BMPR2: variants seen among roughly 807,000 people sequenced by gnomAD.
BMPR2 encodes the protein bone morphogenetic protein receptor type-2.
Under a neutral mutation model 100.8 loss-of-function variants are expected in BMPR2, and 29 were observed. The observed-to-expected ratio is 0.29, with a 90% CI of 0.21 to 0.39. The LOEUF is 0.39. BMPR2 is among the 10% of genes least tolerant of loss of function. BMPR2 has a pLI of 1.00. For synonymous variants in BMPR2, 382 were observed against 442.3 expected (o/e 0.86, Z 1.71); for missense variants, 1,011 against 1,274.5 (o/e 0.79, Z 3.15).
intron 1 of BMPR2, among the ~76,000 whole-genome samples, chr2:202,392,656 G>A (rs1690572949): frequency 6.6e-6 from 1 of 152,112 alleles, no homozygotes; most frequent in Non-Finnish European, 1.5e-5. Flanking sequence ...ATTTAAAAAT[G>A]TCTAAGAGCT....
chr2:202,424,070 CA>C lies in BMPR2; in HGVS notation c.77-40718del, dbSNP rs773518674. ...CCTGGGTGACAGAGCAAGACTGTCT[CA>C]AAAAAAAAAAAAAAAAAAAAGGCCA... On this transcript the variant is annotated intron_variant, in intron 1 of 12. Transcript: ENST00000374580. Among the ~76,000 whole-genome samples, 388 of 58,756 alleles carry C rather than the reference CA, an allele frequency of 6.6e-3. 2 individuals are homozygous for C. The highest frequency in any genetic ancestry group is 0.023 in the African/African-American group (293 of 12,738). The allele number at this position is 58,756 out of a possible 152,430, so 38.5% of individuals were successfully genotyped here.
At chr2:202,491,622 T>C (rs1692904637) in intron 3 of BMPR2, among the ~76,000 whole-genome samples, 1 of 151,916 alleles carries the variant, frequency 6.6e-6, no homozygotes, top group Non-Finnish European at 1.5e-5. Context: ...CCAGGTTTCA[T>C]GATATTGGTC....
At chr2:202,445,797 G>A (rs1209332857) in intron 1 of BMPR2, among the ~76,000 whole-genome samples, 6 of 126,246 alleles carry the variant, frequency 4.8e-5, no homozygotes, top group African/African-American at 9.4e-5. Flanking sequence ...TTTTTGAGAC[G>A]GGAGTCTTGC....
chr2:202,542,090 A>T (rs915615708), intron 9 of BMPR2, among the ~76,000 whole-genome samples: 24 of 151,810 alleles, frequency 1.6e-4, no homozygotes, highest in Non-Finnish European at 2.8e-4. Flanking sequence ...CAGCCTGGGC[A>T]ACAGAGTAAG....
chr2:202,384,122 A>G (rs1018234598), intron 1 of BMPR2, among the ~76,000 whole-genome samples: 10 of 152,208 alleles, frequency 6.6e-5, no homozygotes, highest in Non-Finnish European at 1.0e-4. Flanking sequence ...CAGTGAGCCA[A>G]GATTGTGCCA....
chr2:202,492,725 C>G (rs140629835), intron 3 of BMPR2, among the ~76,000 whole-genome samples: 1 of 111,690 alleles, frequency 9.0e-6, no homozygotes. Flanking sequence ...AAAAAAAAAC[C>G]AAAAAAAAAA....
At chr2:202,447,863 A>G (rs1192685776) in intron 1 of BMPR2, among the ~76,000 whole-genome samples, 2 of 150,526 alleles carry the variant, frequency 1.3e-5, no homozygotes, top group Non-Finnish European at 2.9e-5. Context: ...GGTTATAGAA[A>G]ATTATGTAGG....
intron 3 of BMPR2, among the ~76,000 whole-genome samples, chr2:202,470,788 A>AG (rs1195044550): frequency 6.6e-6 from 1 of 150,978 alleles, no homozygotes; most frequent in Non-Finnish European, 1.5e-5. Context: ...AAAAAAAAAA[A>AG]AGAAAGTAAG....
At chr2:202,462,630 C>CT (rs71952440) in intron 1 of BMPR2, among the ~76,000 whole-genome samples, 219 of 142,888 alleles carry the variant, frequency 1.5e-3, no homozygotes, top group Middle Eastern at 0.011. Flanking sequence ...CACCCCGTAC[C>CT]TTTTTTTTTT....
intron 1 of BMPR2, among the ~76,000 whole-genome samples, chr2:202,463,133 G>A (rs1281307826): frequency 6.6e-6 from 1 of 152,108 alleles, no homozygotes; most frequent in African/African-American, 2.4e-5. Flanking sequence ...TAAATATTAT[G>A]TATTTAGAAA....
Position 202,518,879 on chromosome 2 carries a change from G to A in BMPR2, c.679G>A (p.Val227Ile), listed in dbSNP as rs1285849442. ...VYKGSLDERP[V>I]AVKVFSFANR... ...TAAAGGCTCCTTGGATGAGCGTCCA[G>A]TTGCTGTAAAAGTGTTTTCCTTTGC... The change falls in exon 6 of 13, where the codon GTT (valine) becomes ATT (isoleucine). Residue 227 changes from valine (V) to isoleucine (I), a missense_variant. By Grantham distance (29) the Val-to-Ile change is conservative (BLOSUM62 3). Transcript: ENST00000374580. 1 of 1,614,224 alleles carries A rather than the reference G, an allele frequency of 6.2e-7. No individual in the cohort carries two copies. The highest frequency in any genetic ancestry group is 8.5e-7 in the Non-Finnish European group (1 of 1,180,044).
Position 202,414,751 on chromosome 2 carries a change from T to G in BMPR2, c.76+37201T>G, listed in dbSNP as rs371063682. Among the ~76,000 whole-genome samples, 10 of 152,234 alleles carry G rather than the reference T, an allele frequency of 6.6e-5. No homozygotes were observed. In the East Asian group the frequency reaches 1.2e-3, roughly 18 times the overall value. The stretch of plus-strand genomic sequence containing the variant: ...ACCCTAACCCTCAGTCTTGTTTTTT[T>G]CTTTTGGAGACAGAGTCTCCCTCTG... On this transcript the variant is annotated intron_variant, in intron 1 of 12. Transcript: ENST00000374580.
At chr2:202,456,824 C>G (rs1236553417) in intron 1 of BMPR2, among the ~76,000 whole-genome samples, 3 of 152,096 alleles carry the variant, frequency 2.0e-5, no homozygotes, top group Non-Finnish European at 2.9e-5. Context: ...CTGTATAGCA[C>G]TTTTCAAAGC....
chr2:202,561,026 C>T lies in BMPR2; in HGVS notation c.*1080C>T, dbSNP rs1381765902. 1.3e-5 allele frequency: 2 copies of T among 152,052 alleles called. No individual in the cohort carries two copies. The highest frequency in any genetic ancestry group is 2.9e-5 in the Non-Finnish European group (2 of 67,982). 9.4% of individuals were successfully genotyped at this position (152,052 alleles called of 1,614,324 possible). A position where few individuals can be genotyped will look rare whatever the true frequency, so the allele number is the denominator to read the frequency against. ...TCTTTGACTCATAAAATTACCCTTA[C>T]TGTTTATTATAACTTCAGAAGTAAT... is the stretch of plus-strand genomic sequence containing the variant. On this transcript the variant is annotated 3_prime_UTR_variant, in exon 13 of 13. Transcript: ENST00000374580.
At chr2:202,389,971 G>A (rs1690513911) in intron 1 of BMPR2, among the ~76,000 whole-genome samples, 1 of 149,656 alleles carries the variant, frequency 6.7e-6, no homozygotes. Flanking sequence ...GATGATGATG[G>A]TGAAGTGTAG....
chr2:202,552,668 A>T, intron 10 of BMPR2, 48 bp from the exon 11 acceptor site: 5 of 1,226,364 alleles, frequency 4.1e-6, no homozygotes, highest in Non-Finnish European at 5.7e-6. Flanking sequence ...AGCTCAATAC[A>T]TTTTTTTTTT....
intron 3 of BMPR2, among the ~76,000 whole-genome samples, chr2:202,506,590 G>A (rs954278298): frequency 5.3e-5 from 8 of 152,040 alleles, no homozygotes; most frequent in Non-Finnish European, 1.5e-5. Flanking sequence ...TTCAACATAC[G>A]AATTTGCAGG....
chr2:202,432,919 T>G (rs1691536763), intron 1 of BMPR2, among the ~76,000 whole-genome samples: 1 of 150,626 alleles, frequency 6.6e-6, no homozygotes, highest in Admixed American at 6.6e-5. Context: ...TTAAATCTAC[T>G]TTGTTGTTTT....
At chr2:202,434,496 C>T (rs1428491895) in intron 1 of BMPR2, among the ~76,000 whole-genome samples, 2 of 150,446 alleles carry the variant, frequency 1.3e-5, no homozygotes, top group African/African-American at 2.5e-5. Flanking sequence ...AAGAGTCCTT[C>T]TCCACCATGA....
Sources: allele counts gnomAD v4.1 joint callset (sites outside exome capture counted in the v4.1 genomes callset), GRCh38; gene constraint gnomAD v4.1.1; transcripts MANE v1.5; gene names NCBI Gene and HGNC (gene_info 2026-07-23, HGNC 2026-07-21).